ADCY7: variants seen among roughly 807,000 people sequenced by gnomAD.
ADCY7 encodes adenylate cyclase type 7.
Under a neutral mutation model 120.6 loss-of-function variants are expected in ADCY7, and 72 were observed. The ratio of observed to expected loss-of-function variants is 0.60; its 90% CI spans 0.49 to 0.73. The LOEUF is 0.73. Among genes scored for constraint, ADCY7 ranks in the 30% least tolerant of loss-of-function variants. The pLI, the probability that ADCY7 is intolerant of heterozygous loss-of-function variation, is 0.00. For missense variants in ADCY7, 1,227 were observed against 1,486.0 expected (o/e 0.83, Z 2.87); for synonymous variants, 661 against 628.0 (o/e 1.05, Z -0.78).
At chr16:50,304,119 C>G (rs970697121) in intron 10 of ADCY7, among the ~76,000 whole-genome samples, 1 of 152,136 alleles carries the variant, frequency 6.6e-6, no homozygotes, top group Non-Finnish European at 1.5e-5. Flanking sequence ...GGGGAAAGGC[C>G]AGGGCACCGA....
upstream of ADCY7, among the ~76,000 whole-genome samples, chr16:50,262,083 C>G (rs4611457): frequency 0.51 from 77,535 of 151,936 alleles, 20,045 homozygotes; most frequent in East Asian, 0.68. Context: ...TTATTTGTCC[C>G]TTGGCTGACT....
At position 50,311,761 on chromosome 16, in the gene ADCY7, T is replaced by A; in HGVS notation, c.2423T>A (p.Ile808Asn). Residue 808 changes from isoleucine to asparagine, a missense_variant, in exon 20 of 26, where the codon ATC becomes AAC. Physicochemically the swap from Ile to Asn is moderately radical, Grantham distance 149 (BLOSUM62 -3). Transcript: ENST00000673801. ...MTNFYLVLFY[I>N]TLLTLSRQID... ...AATTTCTACCTGGTCCTGTTCTACA[T>A]CACCCTGCTTACACTCTCCAGACAG... The A allele has an allele frequency of 1.4e-6, 2 of 1,460,746 alleles. No individual in the cohort carries two copies. The highest frequency in any genetic ancestry group is 1.8e-6 in the Non-Finnish European group (2 of 1,084,404). The allele number at this position is 1,460,746 out of a possible 1,614,324, so 90.5% of individuals were successfully genotyped here. A position where few individuals can be genotyped will look rare whatever the true frequency, so the allele number is the denominator to read the frequency against.
chr16:50,290,005 C>T (rs953627715), intron 2 of ADCY7, among the ~76,000 whole-genome samples: 13 of 152,218 alleles, frequency 8.5e-5, no homozygotes, highest in Non-Finnish European at 1.6e-4. Context: ...GCCATTGCCT[C>T]AGCTCCTCCC....
chr16:50,265,449 G>C (rs2033177575), upstream of ADCY7, among the ~76,000 whole-genome samples: 1 of 152,206 alleles, frequency 6.6e-6, no homozygotes, highest in African/African-American at 2.4e-5. Context: ...CTGGCACAGA[G>C]ACAGCACCTA....
rs2078419 is a variant in ADCY7, at chr16:50,258,470, G to A, written c.-64+12267G>A. Among the ~76,000 whole-genome samples, 928 of 151,498 alleles carry A rather than the reference G, an allele frequency of 6.1e-3. 10 individuals carry two copies. Among genetic ancestry groups the A allele is most frequent in the African/African-American group, 0.021 (852 of 41,234 alleles). ...GTATCCAGAGGCTTGATCTAATTCAGTTTTGATTTTTTTCACACAACAGCA... is the reference window on the plus strand; with the variant it reads ...GTATCCAGAGGCTTGATCTAATTCAATTTTGATTTTTTTCACACAACAGCA... On this transcript the variant is annotated intron_variant, in intron 1 of 4. Transcript: ENST00000564044.
intron 1 of ADCY7, among the ~76,000 whole-genome samples, chr16:50,277,772 G>A (rs576633969): frequency 1.5e-4 from 23 of 148,900 alleles, no homozygotes; most frequent in African/African-American, 5.5e-4. Context: ...CCAGTTTCAC[G>A]CCATTATCCT....
chr16:50,277,122 G>A (rs1234001182), intron 1 of ADCY7, among the ~76,000 whole-genome samples: 3 of 152,132 alleles, frequency 2.0e-5, no homozygotes, highest in African/African-American at 4.8e-5. Flanking sequence ...ACCCTGTGAC[G>A]TTAGTTTCAA....
upstream of ADCY7, among the ~76,000 whole-genome samples, chr16:50,263,058 G>C (rs192991390): frequency 1.9e-3 from 296 of 152,354 alleles, 1 homozygote; most frequent in Non-Finnish European, 3.5e-3. Flanking sequence ...TGTGAAGTCA[G>C]GTAGATCTGA....
chr16:50,304,354 C>T lies in ADCY7; in HGVS notation c.1369-6C>T. On this transcript the variant is annotated splice_polypyrimidine_tract_variant and splice_region_variant and intron_variant, in intron 10 of 25. Coordinates refer to ENST00000673801, the MANE Select transcript of ADCY7 (RefSeq NM_001114.5). The stretch of plus-strand genomic sequence containing the variant: ...GGCACAGGCCCATGTCCATGTCTGC[C>T]CGCAGAGCCAGCAGCCACCCCCGCC... The T allele has an allele frequency of 1.3e-6, 2 of 1,505,326 alleles. No homozygotes were observed. Among genetic ancestry groups the T allele is most frequent in the Non-Finnish European group, 1.8e-6 (2 of 1,124,854 alleles). The allele number at this position is 1,505,326 out of a possible 1,614,324, so 93.2% of individuals were successfully genotyped here.
chr16:50,270,317 A>C (rs1051785618), intron 1 of ADCY7, among the ~76,000 whole-genome samples: 1 of 152,212 alleles, frequency 6.6e-6, no homozygotes, highest in African/African-American at 2.4e-5. Flanking sequence ...CCAGAGAAGC[A>C]GGGGTCTTCC....
chr16:50,310,790 A>C lies in ADCY7; in HGVS notation c.2264A>C (p.Tyr755Ser). Residue 755 changes from tyrosine to serine, a missense_variant, in exon 19 of 26, where the codon TAC becomes TCC. Coordinates refer to ENST00000673801, the MANE Select transcript of ADCY7 (RefSeq NM_001114.5). Reference sequence around the variant, plus strand: ...CTGCTGACAGTGGCCCTGGTGGCCTACCTGGTGCTCTTCAACCTCTCCCCA... The same window carrying C: ...CTGCTGACAGTGGCCCTGGTGGCCTCCCTGGTGCTCTTCAACCTCTCCCCA... ...VVLLTVALVA[Y>S]LVLFNLSPCW... 6.2e-7 allele frequency: 1 copy of C among 1,614,120 alleles called. No individual in the cohort carries two copies. The highest frequency in any genetic ancestry group is 8.5e-7 in the Non-Finnish European group (1 of 1,179,996).
rs1279010978 is a variant in ADCY7 at position 50,297,331 on chromosome 16, CAG to C, written c.949-1572_949-1571del. On this transcript the variant is annotated intron_variant, in intron 7 of 25. Coordinates refer to ENST00000673801, the MANE Select transcript of ADCY7 (RefSeq NM_001114.5). This position sits in a 1 kb window ranked among gnomAD's most constrained non-coding sequence, Gnocchi z 4.4. ...TCCCCAACTCCAAGTGTCAGAGACACAGGGGACTGTCAGCCGGTGGAGCAGCC... is the reference window on the plus strand; with the variant it reads ...TCCCCAACTCCAAGTGTCAGAGACACGGGACTGTCAGCCGGTGGAGCAGCC... 6.6e-6 allele frequency among the ~76,000 whole-genome samples: 1 copy of C among 152,254 alleles called. No individual in the cohort carries two copies. Among genetic ancestry groups the C allele is most frequent in the Non-Finnish European group, 1.5e-5 (1 of 68,050 alleles).
At chr16:50,252,860 GA>G (rs1022944209) in intron 1 of ADCY7, among the ~76,000 whole-genome samples, 1 of 152,126 alleles carries the variant, frequency 6.6e-6, no homozygotes, top group African/African-American at 2.4e-5. Context: ...ATAAGGTGGG[GA>G]AAAAACTTCT....
intron 1 of ADCY7, among the ~76,000 whole-genome samples, chr16:50,258,169 G>A (rs918730569): frequency 1.1e-4 from 17 of 152,172 alleles, no homozygotes; most frequent in Non-Finnish European, 2.1e-4. Context: ...TTGGGAGCTG[G>A]AGGCTGCAGT....
intron 14 of ADCY7, among the ~76,000 whole-genome samples, 193 bp downstream of exon 14, chr16:50,306,042 G>T (rs543905799): frequency 2.0e-4 from 30 of 152,320 alleles, no homozygotes; most frequent in African/African-American, 6.3e-4. Context: ...TCTCCTGTCG[G>T]CTTCATTCCA....
At chr16:50,308,196 C>T in intron 15 of ADCY7, 131 bp from the exon 16 acceptor site, 2 of 1,519,144 alleles carry the variant, frequency 1.3e-6, no homozygotes, top group Non-Finnish European at 1.8e-6. Context: ...ACAGTTTTCA[C>T]AGGTCCCCTT....
intron 1 of ADCY7, among the ~76,000 whole-genome samples, chr16:50,257,836 A>G (rs1328357190): frequency 6.6e-6 from 1 of 151,564 alleles, no homozygotes; most frequent in Non-Finnish European, 1.5e-5. Flanking sequence ...TCTACCTCCC[A>G]GGCTCAGGTG....
chr16:50,246,986 C>G (rs2032609090), intron 1 of ADCY7, among the ~76,000 whole-genome samples: 1 of 152,172 alleles, frequency 6.6e-6, no homozygotes, highest in Non-Finnish European at 1.5e-5. Context: ...AAATGAGGAA[C>G]AGGATACCCT....
At chr16:50,254,069 CAA>C (rs1324346074) in intron 1 of ADCY7, among the ~76,000 whole-genome samples, 2 of 152,174 alleles carry the variant, frequency 1.3e-5, no homozygotes, top group Non-Finnish European at 2.9e-5. Flanking sequence ...CCTTCCCTCT[CAA>C]GACCACATGA....
Sources: allele counts gnomAD v4.1 joint callset (sites outside exome capture counted in the v4.1 genomes callset), GRCh38; gene constraint gnomAD v4.1.1; non-coding constraint Gnocchi (gnomAD v3.1); transcripts MANE v1.5; gene names NCBI Gene and HGNC (gene_info 2026-07-23, HGNC 2026-07-21).